The following RECQL4 variants were observed in gnomAD, a reference collection of about 807,000 sequenced individuals.
RECQL4 encodes the protein ATP-dependent DNA helicase Q4.
RECQL4 carries 158 observed loss-of-function variants against 128.6 expected under a neutral mutation model. The ratio of observed to expected loss-of-function variants is 1.23; its 90% CI spans 1.08 to 1.40. The LOEUF (loss-of-function observed/expected upper bound fraction) is 1.40, where lower values mean the gene tolerates loss of function less well. Among genes scored for constraint, RECQL4 ranks in the 40% most tolerant of loss-of-function variants. The probability of loss-of-function intolerance (pLI) is 0.00; values close to 1 mark genes in which losing one functional copy is unlikely to be tolerated. For synonymous variants in RECQL4, 996 were observed against 678.9 expected (o/e 1.47, Z -7.26); for missense variants, 2,293 against 1,649.8 (o/e 1.39, Z -6.75).
Position 144,514,891 on chromosome 8 carries a change from C to T in RECQL4, c.1620+45G>A, listed in dbSNP as rs745518663. On this transcript the variant is annotated intron_variant, in intron 9 of 20. Coordinates refer to ENST00000617875, the MANE Select transcript of RECQL4 (RefSeq NM_004260.4). Reference sequence around the variant, plus strand: ...CAGTTGCCCTTGGGAGTCACAAGTGCTGGTTCTTGGCTGTGTACGTGTGCC... The same window carrying T: ...CAGTTGCCCTTGGGAGTCACAAGTGTTGGTTCTTGGCTGTGTACGTGTGCC... 9 of 1,601,060 alleles carry T rather than the reference C, an allele frequency of 5.6e-6. No individual in the cohort carries two copies. In the Admixed American group the frequency reaches 1.5e-4, roughly 27 times the overall value.
chr8:144,511,779 C>T lies in RECQL4; in HGVS notation c.3404G>A (p.Trp1135Ter). 2.5e-6 allele frequency: 4 copies of T among 1,612,568 alleles called. No homozygotes were observed. Among genetic ancestry groups the T allele is most frequent in the Admixed American group, 3.3e-5 (2 of 60,030 alleles). The stretch of plus-strand genomic sequence containing the variant: ...GATGTCGCAGCGGACCTGGTCCTCC[C>T]AATCCTGGAGCTGTGTGGACAGGCA... Reference protein sequence around the residue: ...PEPGQARLQDWEDQVRCDIRQ... With the variant: ...PEPGQARLQD Residue 1135 changes from tryptophan (W) to a stop codon, truncating the protein, a stop_gained, in exon 20 of 21, where the codon TGG becomes TAG. Coordinates refer to ENST00000617875, the MANE Select transcript of RECQL4 (RefSeq NM_004260.4). LOFTEE classifies it high-confidence loss of function.
intron 14 of RECQL4, 33 bp downstream of exon 14, chr8:144,513,185 A>G (rs1444022364): frequency 2.8e-6 from 2 of 724,782 alleles, no homozygotes; most frequent in Non-Finnish European, 4.1e-6. Flanking sequence ...TGGGGGCTCG[A>G]GCACTGGCAG....
In RECQL4 at chr8:144,517,174, C is replaced by T. The variant is rs373705170; in HGVS notation, c.230G>A (p.Cys77Tyr). 1.7e-5 allele frequency: 28 copies of T among 1,606,434 alleles called. No homozygotes were observed. In the African/African-American group the frequency reaches 3.2e-4, roughly 18 times the overall value. Residue 77 changes from cysteine (C) to tyrosine (Y), a missense_variant, in exon 4 of 21, where the codon TGC (cysteine) becomes TAC (tyrosine). Physicochemically the swap from Cys to Tyr is radical, Grantham distance 194. Coordinates refer to ENST00000617875, the MANE Select transcript of RECQL4 (RefSeq NM_004260.4). Reference sequence around the variant, plus strand: ...AGCCCGATTCAGATGGGGCCCCCAGCAGCGGGGCTCTGGCGCCTGCAGGAG... The same window carrying T: ...AGCCCGATTCAGATGGGGCCCCCAGTAGCGGGGCTCTGGCGCCTGCAGGAG... Reference protein sequence around the residue: ...AAAEEAPEPRCWGPHLNRAAT... With the variant: ...AAAEEAPEPRYWGPHLNRAAT...
chr8:144,514,766 C>A (rs1023965214), intron 9 of RECQL4, among the ~76,000 whole-genome samples, 170 bp downstream of exon 9: 5 of 152,206 alleles, frequency 3.3e-5, no homozygotes, highest in Non-Finnish European at 5.9e-5. Context: ...GGCTGTGGTG[C>A]CTGTGGAGCT....
Position 144,511,634 on chromosome 8 carries a change from C to G in RECQL4, c.3502+47G>C, listed in dbSNP as rs746403783. 3.7e-6 allele frequency: 6 copies of G among 1,607,190 alleles called. No homozygotes were observed. The South Asian group carries it at 5.5e-5, about 15-fold the overall frequency. On this transcript the variant is annotated intron_variant, in intron 20 of 20. Transcript: ENST00000617875. ...GGAGCCTCCCAGGCCTCACCTGCCC[C>G]AGCCCCCAGCCCCAGCCTGCAGCGG...
rs1586819343 is a variant in RECQL4 at position 144,515,798 on chromosome 8, C to CA, written c.1223_1224insT (p.Gln408HisfsTer15). 1.2e-6 allele frequency: 2 copies of CA among 1,612,736 alleles called. No individual in the cohort carries two copies. Among genetic ancestry groups the CA allele is most frequent in the Admixed American group, 1.7e-5 (1 of 59,968 alleles). On this transcript the variant is annotated frameshift_variant, in exon 6 of 21. Transcript: ENST00000617875. LOFTEE classifies it high-confidence loss of function. Reference sequence around the variant, plus strand: ...GACACTGGGCTGCCCAGTGATCGAACTGCTCGTTCAGGAAACAAGACTCCT... The same window carrying CA: ...GACACTGGGCTGCCCAGTGATCGAACATGCTCGTTCAGGAAACAAGACTCCT...
Position 144,512,225 on chromosome 8 carries a change from C to T in RECQL4, c.3155G>A (p.Cys1052Tyr). 1.2e-6 allele frequency: 2 copies of T among 1,612,404 alleles called. No homozygotes were observed. The highest frequency in any genetic ancestry group is 1.7e-6 in the Non-Finnish European group (2 of 1,179,734). Residue 1052 changes from cysteine to tyrosine, a missense_variant, in exon 18 of 21, where the codon TGT (cysteine) becomes TAT (tyrosine). Physicochemically the swap from Cys to Tyr is radical, Grantham distance 194. Transcript: ENST00000617875. ...DLTAEEKDQI[C>Y]DFLYGRVQAR... ...CTGCACACGGCCATAGAGGAAGTCACATATCTGGTCCTTCTCCTCAGCGGT... is the reference window on the plus strand; with the variant it reads ...CTGCACACGGCCATAGAGGAAGTCATATATCTGGTCCTTCTCCTCAGCGGT...
rs370863264 is a variant in RECQL4 at position 144,513,378 on chromosome 8, A to G, written c.2303T>C (p.Val768Ala). Residue 768 changes from valine to alanine, a missense_variant, in exon 14 of 21, where the codon GTG (valine) becomes GCG (alanine). Transcript: ENST00000617875. The part of the protein sequence containing the change: ...RAFMQGQLRV[V>A]VATVAFGMGL... The stretch of plus-strand genomic sequence containing the variant: ...CATCCCAAAGGCCACCGTGGCCACC[A>G]CCACCCGCAACTGGCCCTGCATGAA... The G allele has an allele frequency of 6.2e-6, 10 of 1,607,018 alleles. No homozygotes were observed. The African/African-American group carries it at 8.0e-5, about 13-fold the overall frequency.
rs776668549 is a variant in RECQL4, at chr8:144,513,096, T to C, written c.2506A>G (p.Ser836Gly). The change falls in exon 15 of 21, where the codon AGC becomes GGC. Residue 836 changes from serine to glycine, a missense_variant. Ser to Gly is a moderately conservative substitution (Grantham distance 56). Coordinates refer to ENST00000617875, the MANE Select transcript of RECQL4 (RefSeq NM_004260.4). ...RELRRHVHAD[S>G]TDFLAVKRLV... ...CTCTTCACAGCCAGGAAGTCCGTGCTGTCGGCGTGCACATGTCTGCGCAGC... is the reference window on the plus strand; with the variant it reads ...CTCTTCACAGCCAGGAAGTCCGTGCCGTCGGCGTGCACATGTCTGCGCAGC... 18 of 1,573,492 alleles carry C rather than the reference T, an allele frequency of 1.1e-5. No individual in the cohort carries two copies. Among genetic ancestry groups the C allele is most frequent in the Middle Eastern group, 1.7e-4 (1 of 5,924 alleles).
At position 144,513,409 on chromosome 8, in the gene RECQL4, G is replaced by A. The variant is rs758790200; in HGVS notation, c.2272C>T (p.Arg758Ter). The A allele has an allele frequency of 2.3e-5, 37 of 1,608,626 alleles. No individual in the cohort carries two copies. Among genetic ancestry groups the A allele is most frequent in the South Asian group, 4.4e-5 (4 of 91,046 alleles). Residue 758 changes from arginine to a stop codon, truncating the protein, a stop_gained, in exon 14 of 21, where the codon CGA (arginine) becomes TGA (stop). Coordinates refer to ENST00000617875, the MANE Select transcript of RECQL4 (RefSeq NM_004260.4). LOFTEE classifies it high-confidence loss of function. ...MCSRERRRVQ[R>*]AFMQGQLRVV... ...CGCAACTGGCCCTGCATGAAGGCTCGCTGTACCCGCCGCCGTTCCCGGCTG... is the reference window on the plus strand; with the variant it reads ...CGCAACTGGCCCTGCATGAAGGCTCACTGTACCCGCCGCCGTTCCCGGCTG...
chr8:144,511,502 T>C lies in RECQL4; in HGVS notation c.3556A>G (p.Lys1186Glu). The C allele has an allele frequency of 6.2e-7, 1 of 1,612,592 alleles. No individual in the cohort carries two copies. Among genetic ancestry groups the C allele is most frequent in the South Asian group, 1.1e-5 (1 of 91,088 alleles). ...VYGQDRRFWR[K>E]YLHLSFHALV... is the part of the protein sequence containing the mutation. Reference sequence around the variant, plus strand: ...GCATGGAAGCTCAGGTGCAGGTATTTTCTCCAGAAGCGTCGGTCCTGCCCG... The same window carrying C: ...GCATGGAAGCTCAGGTGCAGGTATTCTCTCCAGAAGCGTCGGTCCTGCCCG... The change falls in exon 21 of 21, where the codon AAA (lysine) becomes GAA (glutamate). Residue 1186 changes from lysine (K) to glutamate (E), a missense_variant. By Grantham distance (56) the Lys-to-Glu change is moderately conservative. Coordinates refer to ENST00000617875, the MANE Select transcript of RECQL4 (RefSeq NM_004260.4).
rs751358754 is a variant in RECQL4, at chr8:144,517,644, G to A, written c.85-9C>T. 2.0e-6 allele frequency: 3 copies of A among 1,480,700 alleles called. No homozygotes were observed. In the South Asian group the frequency reaches 3.8e-5, roughly 19 times the overall value. The allele number at this position is 1,480,700 out of a possible 1,614,324, so 91.7% of individuals were successfully genotyped here. A position where few individuals can be genotyped will look rare whatever the true frequency, so the allele number is the denominator to read the frequency against. On this transcript the variant is annotated splice_polypyrimidine_tract_variant and intron_variant, in intron 1 of 20. Coordinates refer to ENST00000617875, the MANE Select transcript of RECQL4 (RefSeq NM_004260.4). Reference sequence around the variant, plus strand: ...GCCGCCTCCACGTCGTCCTGTAAAGGGAACGCGTCAGCCGCGGGCCGCGCC... The same window carrying A: ...GCCGCCTCCACGTCGTCCTGTAAAGAGAACGCGTCAGCCGCGGGCCGCGCC...
chr8:144,517,296 T>C, intron 3 of RECQL4, 106 bp from the exon 4 acceptor site: 2 of 1,496,780 alleles, frequency 1.3e-6, no homozygotes, highest in Non-Finnish European at 1.8e-6. Flanking sequence ...CTTCTTCACT[T>C]TGCCCAGTCC....
chr8:144,515,086 G>T lies in RECQL4; in HGVS notation c.1484-14C>A, dbSNP rs1457491900. The T allele has an allele frequency of 6.3e-7, 1 of 1,599,094 alleles. No individual in the cohort carries two copies. The highest frequency in any genetic ancestry group is 1.7e-5 in the Admixed American group (1 of 57,868). ...GCGTGGAGATGCCTGGATGGGGCGG[G>T]AGTCAGCAGCAGGGTTCTGCAGCCT... On this transcript the variant is annotated splice_polypyrimidine_tract_variant and intron_variant, in intron 8 of 20. Coordinates refer to ENST00000617875, the MANE Select transcript of RECQL4 (RefSeq NM_004260.4).
intron 2 of RECQL4, 42 bp from the exon 3 acceptor site, chr8:144,517,550 GC>G: frequency 6.6e-7 from 1 of 1,523,180 alleles, no homozygotes. Context: ...TGGGGCCTGG[GC>G]CCCTGCCGAC....
rs1014958541 is a variant in RECQL4 at position 144,512,778 on chromosome 8, G to A, written c.2756-7C>T. ...CACAGCAAAGTCTCGATGGCTGGGG[G>A]CAGAGCAGGGCTCAGCGGACGCGGG... On this transcript the variant is annotated splice_region_variant and splice_polypyrimidine_tract_variant and intron_variant, in intron 15 of 20. Coordinates refer to ENST00000617875, the MANE Select transcript of RECQL4 (RefSeq NM_004260.4). The A allele has an allele frequency of 6.2e-7, 1 of 1,611,466 alleles. No homozygotes were observed. Among genetic ancestry groups the A allele is most frequent in the Non-Finnish European group, 8.5e-7 (1 of 1,179,644 alleles).
chr8:144,516,739 G>C lies in RECQL4; in HGVS notation c.380C>G (p.Pro127Arg), dbSNP rs550470182. The change falls in exon 5 of 21, where the codon CCG (proline) becomes CGG (arginine). Residue 127 changes from proline (P) to arginine (R), a missense_variant. Physicochemically the swap from Pro to Arg is moderately radical, Grantham distance 103. Coordinates refer to ENST00000617875, the MANE Select transcript of RECQL4 (RefSeq NM_004260.4). ...LQAGPALGRR[P>R]WPLGRASSKA... is the part of the protein sequence containing the mutation. Reference sequence around the variant, plus strand: ...AGATGAGGCTCTTCCTAGAGGCCACGGTCTGCGGCCCAGGGCTGGTCCGGC... The same window carrying C: ...AGATGAGGCTCTTCCTAGAGGCCACCGTCTGCGGCCCAGGGCTGGTCCGGC... 6.5e-7 allele frequency: 1 copy of C among 1,530,058 alleles called. No individual in the cohort carries two copies. The highest frequency in any genetic ancestry group is 1.3e-5 in the South Asian group (1 of 76,194). 94.8% of individuals were successfully genotyped at this position (1,530,058 alleles called of 1,614,324 possible). A position where few individuals can be genotyped will look rare whatever the true frequency, so the allele number is the denominator to read the frequency against.
chr8:144,513,462 G>A lies in RECQL4; in HGVS notation c.2219C>T (p.Thr740Ile), dbSNP rs1827638041. The change falls in exon 14 of 21, where the codon ACA becomes ATA. Residue 740 changes from threonine (T) to isoleucine (I), a missense_variant. Transcript: ENST00000617875. ...PGSGGRAPKT[T>I]AEAYHAGMCS... Reference sequence around the variant, plus strand: ...CATGCCCGCGTGGTAGGCCTCGGCTGTGGTTTTGGGGGCACGACCTTTGGG... The same window carrying A: ...CATGCCCGCGTGGTAGGCCTCGGCTATGGTTTTGGGGGCACGACCTTTGGG... 1 of 1,609,766 alleles carries A rather than the reference G, an allele frequency of 6.2e-7. No individual in the cohort carries two copies. The highest frequency in any genetic ancestry group is 8.5e-7 in the Non-Finnish European group (1 of 1,179,804).
In RECQL4 at chr8:144,514,026, G is replaced by A. The variant is rs552960344; in HGVS notation, c.1960C>T (p.Gln654Ter). The change falls in exon 12 of 21, where the codon CAG (glutamine) becomes TAG (stop). Residue 654 changes from glutamine (Q) to a stop codon, truncating the protein, a stop_gained. Transcript: ENST00000617875. LOFTEE classifies it high-confidence loss of function. The part of the protein sequence containing the change: ...ATRRTASDVA[Q>*]HLAVAEEPDL... The stretch of plus-strand genomic sequence containing the variant: ...GGCTCTTCAGCCACAGCCAGGTGCT[G>A]TGCCACGTCACTGGCAGTGCGGCGT... 1 of 1,574,178 alleles carries A rather than the reference G, an allele frequency of 6.4e-7. No individual in the cohort carries two copies. Among genetic ancestry groups the A allele is most frequent in the South Asian group, 1.2e-5 (1 of 86,206 alleles).
Sources: gnomAD v4.1 joint callset for allele counts (sites outside exome capture counted in the v4.1 genomes callset) on GRCh38, gnomAD v4.1.1 for gene constraint, MANE v1.5 for transcripts, NCBI Gene and HGNC (gene_info 2026-07-23, HGNC 2026-07-21) for gene names.